Variants in TACC2 observed in about 807,000 individuals in gnomAD.
TACC2 encodes transforming acidic coiled-coil containing protein 2, also known as transforming acidic coiled-coil-containing protein 2.
TACC2 carries 137 observed loss-of-function variants against 227.3 expected under a neutral mutation model. The ratio of observed to expected loss-of-function variants is 0.60; its 90% CI spans 0.52 to 0.69. TACC2 has a LOEUF of 0.69. Among genes scored for constraint, TACC2 ranks in the 30% least tolerant of loss-of-function variants. The pLI is 0.00. For synonymous variants in TACC2, 1,523 were observed against 1,487.5 expected (o/e 1.02, Z -0.55); for missense variants, 3,470 against 3,694.4 (o/e 0.94, Z 1.57).
intron 7 of TACC2, among the ~76,000 whole-genome samples, chr10:122,171,256 T>C (rs1185371497): frequency 6.6e-6 from 1 of 152,094 alleles, no homozygotes; most frequent in Non-Finnish European, 1.5e-5. Flanking sequence ...TTTCGTCTGC[T>C]TTCTCCTTAA....
chr10:122,194,959 C>T lies in TACC2; in HGVS notation c.5835-81C>T. The T allele has an allele frequency of 6.9e-7, 1 of 1,457,734 alleles. No individual in the cohort carries two copies. 90.3% of individuals were successfully genotyped at this position (1,457,734 alleles called of 1,614,324 possible). A position where few individuals can be genotyped will look rare whatever the true frequency, so the allele number is the denominator to read the frequency against. ...TGAGCAGCGAGCCAGAACCCACTGG[C>T]TCTGGGTGCGAAGGCCACACCGGCT... On this transcript the variant is annotated intron_variant, in intron 7 of 22. Transcript: ENST00000369005. This position sits in a 1 kb window ranked among gnomAD's most constrained non-coding sequence, Gnocchi z 4.4.
Position 122,006,472 on chromosome 10 carries a change from A to G in TACC2, c.-45-15465A>G, listed in dbSNP as rs190724973. Among the ~76,000 whole-genome samples the G allele has an allele frequency of 9.2e-5, 14 of 152,054 alleles. No homozygotes were observed. In the East Asian group the frequency reaches 2.1e-3, roughly 23 times the overall value. On this transcript the variant is annotated intron_variant, in intron 1 of 22. Coordinates refer to ENST00000369005, the MANE Select transcript of TACC2 (RefSeq NM_206862.4). ...TCAAAAAATAAATAAATAAATAAAT[A>G]AATAAATAAAAAATAGGATGCCACT...
rs187450490 is a variant in TACC2 at position 122,029,752 on chromosome 10, G to T, written c.33+7738G>T. Among the ~76,000 whole-genome samples, 26 of 152,222 alleles carry T rather than the reference G, an allele frequency of 1.7e-4. No individual in the cohort carries two copies. In the East Asian group the frequency reaches 5.0e-3, roughly 29 times the overall value. On this transcript the variant is annotated intron_variant, in intron 2 of 22. Coordinates refer to ENST00000369005, the MANE Select transcript of TACC2 (RefSeq NM_206862.4). ...GCTATCGGGTGAGCGCCCTCAATGT[G>T]CACAGTATGGGCCACTAGGCATATT...
chr10:122,215,870 C>A (rs573453557), intron 10 of TACC2, among the ~76,000 whole-genome samples: 2 of 152,194 alleles, frequency 1.3e-5, no homozygotes, highest in African/African-American at 4.8e-5. Flanking sequence ...GGAAGCCCCT[C>A]CCCTAAAGAA....
At chr10:122,221,970 G>A (rs933665649) in intron 11 of TACC2, among the ~76,000 whole-genome samples, 1 of 152,150 alleles carries the variant, frequency 6.6e-6, no homozygotes, top group African/African-American at 2.4e-5. Flanking sequence ...AAGGCCCCTC[G>A]CTGTGCAGTG....
At chr10:122,202,091 T>C (rs2094883866) in intron 8 of TACC2, among the ~76,000 whole-genome samples, 1 of 150,918 alleles carries the variant, frequency 6.6e-6, no homozygotes, top group Non-Finnish European at 1.5e-5. Context: ...AGTTAAGTGA[T>C]GTATACTGTC....
At chr10:121,991,727 T>C (rs774158601) in intron 1 of TACC2, among the ~76,000 whole-genome samples, 24 of 152,206 alleles carry the variant, frequency 1.6e-4, no homozygotes, top group Non-Finnish European at 3.1e-4. Flanking sequence ...CTTGTGACTT[T>C]AGTGTAATTT....
intron 3 of TACC2, among the ~76,000 whole-genome samples, chr10:122,056,211 G>T (rs1443342617): frequency 6.6e-6 from 1 of 152,164 alleles, no homozygotes; most frequent in Admixed American, 6.5e-5. Context: ...TTTTACTCTT[G>T]TCGCCCAGGC....
intron 22 of TACC2, among the ~76,000 whole-genome samples, chr10:122,252,759 C>T (rs2096275779): frequency 6.6e-6 from 1 of 152,206 alleles, no homozygotes; most frequent in South Asian, 2.1e-4. Context: ...TCCCAAAGTG[C>T]TGGGATTGCA....
chr10:122,242,034 G>A (rs1479160409), intron 19 of TACC2, 33 bp downstream of exon 19: 3 of 1,605,118 alleles, frequency 1.9e-6, no homozygotes, highest in East Asian at 4.5e-5. Flanking sequence ...GCTCAGGCCG[G>A]CCCCGATGTT....
Position 122,179,850 on chromosome 10 carries a change from C to T in TACC2, c.5835-15190C>T, listed in dbSNP as rs143914043. On this transcript the variant is annotated intron_variant, in intron 7 of 22. Transcript: ENST00000369005. ...GTCCCAGTTATTTGGGAGGCTGAGG[C>T]GACAGGATCACTTGAGCTCAGTAGT... Among the ~76,000 whole-genome samples, 876 of 152,058 alleles carry T rather than the reference C, an allele frequency of 5.8e-3. 10 individuals are homozygous for T. The highest frequency in any genetic ancestry group is 0.02 in the African/African-American group (842 of 41,472).
chr10:122,103,226 T>G (rs916395542), intron 5 of TACC2, among the ~76,000 whole-genome samples: 1 of 152,118 alleles, frequency 6.6e-6, no homozygotes, highest in Admixed American at 6.5e-5. Flanking sequence ...CTAGAGTATA[T>G]AAGAAATAAC....
chr10:122,053,550 C>G (rs898474326), intron 3 of TACC2, among the ~76,000 whole-genome samples: 2 of 152,122 alleles, frequency 1.3e-5, no homozygotes, highest in African/African-American at 4.8e-5. Flanking sequence ...CCTGTGATGC[C>G]AGTGACCACA....
chr10:122,118,267 G>A (rs1374268975), intron 5 of TACC2, among the ~76,000 whole-genome samples: 4 of 152,096 alleles, frequency 2.6e-5, no homozygotes, highest in Middle Eastern at 3.4e-3. Flanking sequence ...CGGCCGCCTC[G>A]GCCTCCCAAA....
chr10:122,100,101 C>T (rs2081966468), intron 5 of TACC2, among the ~76,000 whole-genome samples: 1 of 152,036 alleles, frequency 6.6e-6, no homozygotes, highest in Non-Finnish European at 1.5e-5. Context: ...TCCGTCTCTA[C>T]TAAAAATACA....
rs375024095 is a variant in TACC2, at chr10:122,216,775, C to T, written c.7493C>T (p.Pro2498Leu). 6.2e-7 allele frequency: 1 copy of T among 1,614,078 alleles called. No individual in the cohort carries two copies. Among genetic ancestry groups the T allele is most frequent in the East Asian group, 2.2e-5 (1 of 44,866 alleles). The change falls in exon 11 of 23, where the codon CCC becomes CTC. Residue 2498 changes from proline (P) to leucine (L), a missense_variant. Transcript: ENST00000369005. Reference sequence around the variant, plus strand: ...GCTGACAAACAGGACTACCCGCAGCCCTCGGACCTGTCCACCTTTGTAAAC... The same window carrying T: ...GCTGACAAACAGGACTACCCGCAGCTCTCGGACCTGTCCACCTTTGTAAAC... ...LEADKQDYPQ[P>L]SDLSTFVNET...
At chr10:122,223,588 G>T (rs2095564808) in intron 11 of TACC2, among the ~76,000 whole-genome samples, 1 of 152,198 alleles carries the variant, frequency 6.6e-6, no homozygotes, top group Admixed American at 6.5e-5. Flanking sequence ...ATTCCTGAAA[G>T]ATTGTCCACG....
intron 5 of TACC2, among the ~76,000 whole-genome samples, chr10:122,106,356 T>A (rs1345070114): frequency 1.3e-5 from 2 of 152,182 alleles, no homozygotes; most frequent in Admixed American, 6.5e-5. Context: ...TTTTTTCAGT[T>A]CCATATGGGC....
chr10:122,173,395 CCA>C (rs1437632484), intron 7 of TACC2, among the ~76,000 whole-genome samples: 1 of 152,186 alleles, frequency 6.6e-6, no homozygotes, highest in African/African-American at 2.4e-5. Flanking sequence ...GAGCGGGGCT[CCA>C]CGCCCTGGGC....
Sources: gnomAD v4.1 joint callset for allele counts (sites outside exome capture counted in the v4.1 genomes callset) on GRCh38, gnomAD v4.1.1 for gene constraint, Gnocchi (gnomAD v3.1) non-coding constraint, MANE v1.5 for transcripts, NCBI Gene and HGNC (gene_info 2026-07-23, HGNC 2026-07-21) for gene names.